GLYATL2: variants seen among roughly 807,000 people sequenced by gnomAD.
GLYATL2 encodes the protein glycine N-acyltransferase-like protein 2.
Under a neutral mutation model 21.4 loss-of-function variants are expected in GLYATL2, and 25 were observed. The ratio of observed to expected loss-of-function variants is 1.17; its 90% CI spans 0.85 to 1.63. The LOEUF (loss-of-function observed/expected upper bound fraction) is 1.63, where lower values mean the gene tolerates loss of function less well. GLYATL2 is among the 40% of genes most tolerant of loss of function. GLYATL2 has a pLI of 0.00. For synonymous variants in GLYATL2, 114 were observed against 118.2 expected (o/e 0.96, Z 0.23); for missense variants, 361 against 343.3 (o/e 1.05, Z -0.41).
chr11:58,863,863 T>A (rs1298386664), intron 1 of GLYATL2, among the ~76,000 whole-genome samples: 1 of 152,160 alleles, frequency 6.6e-6, no homozygotes, highest in Non-Finnish European at 1.5e-5. Flanking sequence ...TGGAGTCAAC[T>A]GTGATGAGCC....
chr11:58,834,234 G>A lies in GLYATL2; in HGVS notation c.*195C>T. 1 of 427,982 alleles carries A rather than the reference G, an allele frequency of 2.3e-6. No homozygotes were observed. The highest frequency in any genetic ancestry group is 4.1e-6 in the Non-Finnish European group (1 of 246,010). The allele number at this position is 427,982 out of a possible 1,614,324, so 26.5% of individuals were successfully genotyped here. ...ATGTCTGTCATAAAGGAAATTATGA[G>A]ACCATAAAATTGAGCTTCTAATTTT... On this transcript the variant is annotated 3_prime_UTR_variant, in exon 6 of 6. Transcript: ENST00000287275.
chr11:58,873,365 G>A (rs2134604885), intron 1 of GLYATL2, among the ~76,000 whole-genome samples: 1 of 152,184 alleles, frequency 6.6e-6, no homozygotes, highest in South Asian at 2.1e-4. Flanking sequence ...TCTTGTGCCA[G>A]TTTTCAAAGG....
intron 5 of GLYATL2, 98 bp downstream of exon 5, chr11:58,836,917 T>C: frequency 1.9e-6 from 2 of 1,036,220 alleles, no homozygotes; most frequent in East Asian, 2.4e-5. Context: ...GTGTAGCCCA[T>C]CATAATTTAG....
intron 1 of GLYATL2, chr11:58,893,267 G>A (rs981000570): frequency 4.7e-5 from 12 of 255,734 alleles, no homozygotes; most frequent in African/African-American, 1.1e-4. Flanking sequence ...AAAAAATACC[G>A]AAGGAGAGGC....
At chr11:58,856,026 G>T (rs535077741) in intron 1 of GLYATL2, among the ~76,000 whole-genome samples, 1 of 152,150 alleles carries the variant, frequency 6.6e-6, no homozygotes, top group Admixed American at 6.5e-5. Flanking sequence ...AGTGACTCAG[G>T]AGGCTGAGGG....
chr11:58,860,659 G>A (rs923602342), intron 1 of GLYATL2, among the ~76,000 whole-genome samples: 2 of 152,224 alleles, frequency 1.3e-5, no homozygotes, highest in African/African-American at 2.4e-5. Context: ...TCGTGAGGGT[G>A]AGCATCCTTG....
intron 1 of GLYATL2, among the ~76,000 whole-genome samples, chr11:58,851,959 A>G (rs1344229720): frequency 6.6e-6 from 1 of 152,232 alleles, no homozygotes; most frequent in East Asian, 1.9e-4. Context: ...AGTTTGCAGA[A>G]TTTGGTCATT....
Position 58,838,385 on chromosome 11 carries a change from C to T in GLYATL2, c.79-17G>A, listed in dbSNP as rs376758330. On this transcript the variant is annotated splice_polypyrimidine_tract_variant and intron_variant, in intron 2 of 5. Coordinates refer to ENST00000287275, the MANE Select transcript of GLYATL2 (RefSeq NM_145016.4). ...GCCATATACCTACGATGCAACAGAACAAAGCAGGAGAGGATGAAGTTCTTC... is the reference window on the plus strand; with the variant it reads ...GCCATATACCTACGATGCAACAGAATAAAGCAGGAGAGGATGAAGTTCTTC... 1,060 of 1,494,880 alleles carry T rather than the reference C, an allele frequency of 7.1e-4. 4 individuals are homozygous for T. The highest frequency in any genetic ancestry group is 7.0e-3 in the South Asian group (619 of 88,098). The allele number at this position is 1,494,880 out of a possible 1,614,324, so 92.6% of individuals were successfully genotyped here. A position where few individuals can be genotyped will look rare whatever the true frequency, so the allele number is the denominator to read the frequency against.
intron 1 of GLYATL2, among the ~76,000 whole-genome samples, chr11:58,869,865 G>A (rs1040833843): frequency 6.6e-6 from 1 of 152,126 alleles, no homozygotes; most frequent in Non-Finnish European, 1.5e-5. Flanking sequence ...CCAGAGTTTA[G>A]CACAGAAGGT....
At chr11:58,845,373 G>C (rs1853624539), upstream of GLYATL2, among the ~76,000 whole-genome samples, 1 of 152,178 alleles carries the variant, frequency 6.6e-6, no homozygotes, top group African/African-American at 2.4e-5. Flanking sequence ...AGCTCAGGCA[G>C]GAGGGTCGCT....
upstream of GLYATL2, chr11:58,905,368 T>TCTG (rs1854838271): frequency 2.3e-6 from 1 of 430,636 alleles, no homozygotes; most frequent in African/African-American, 2.0e-5. Flanking sequence ...TGGAGCTCTC[T>TCTG]CTGCTGCTGC....
chr11:58,894,850 C>T (rs557687842), intron 1 of GLYATL2, among the ~76,000 whole-genome samples: 1 of 152,240 alleles, frequency 6.6e-6, no homozygotes, highest in South Asian at 2.1e-4. Flanking sequence ...AGAGAAGAAA[C>T]ATGTCATTTG....
chr11:58,839,431 C>T (rs1228223303), intron 2 of GLYATL2, 104 bp downstream of exon 2: 9 of 631,616 alleles, frequency 1.4e-5, no homozygotes, highest in Non-Finnish European at 2.5e-5. Context: ...CAGATTCTCA[C>T]TTTAGACTTG....
chr11:58,855,245 G>T (rs186945144), intron 1 of GLYATL2, among the ~76,000 whole-genome samples: 2 of 152,264 alleles, frequency 1.3e-5, no homozygotes, highest in East Asian at 3.9e-4. Context: ...AATAAGACTT[G>T]TAAAGTTGAA....
chr11:58,893,237 T>C (rs1210140351), intron 1 of GLYATL2: 2 of 280,088 alleles, frequency 7.1e-6, no homozygotes, highest in Non-Finnish European at 1.4e-5. Context: ...TCTTGTGAAG[T>C]AGGAATGGCC....
intron 1 of GLYATL2, among the ~76,000 whole-genome samples, chr11:58,870,779 G>T (rs1392237713): frequency 6.6e-6 from 1 of 152,204 alleles, no homozygotes; most frequent in African/African-American, 2.4e-5. Flanking sequence ...CAATAGACGT[G>T]TGTTGCAGCA....
upstream of GLYATL2, among the ~76,000 whole-genome samples, chr11:58,906,838 GACGGTTGTTTAAACA>G (rs1166859479): frequency 1.3e-5 from 2 of 152,172 alleles, no homozygotes; most frequent in African/African-American, 4.8e-5. Context: ...TGGCCACATA[GACGGTTGTTTAAACA>G]ACGCGGTGCT....
chr11:58,878,675 C>T (rs547108566), intron 1 of GLYATL2, among the ~76,000 whole-genome samples: 3 of 152,246 alleles, frequency 2.0e-5, no homozygotes, highest in East Asian at 3.9e-4. Context: ...TTTTCCTGTG[C>T]ACCTGGGTAG....
chr11:58,848,941 A>G (rs1428113915), upstream of GLYATL2, among the ~76,000 whole-genome samples: 1 of 152,212 alleles, frequency 6.6e-6, no homozygotes, highest in Non-Finnish European at 1.5e-5. Context: ...AAAGAAACAT[A>G]AAAGCAGCAA....
Sources: allele counts gnomAD v4.1 joint callset (sites outside exome capture counted in the v4.1 genomes callset), GRCh38; gene constraint gnomAD v4.1.1; transcripts MANE v1.5; gene names NCBI Gene and HGNC (gene_info 2026-07-23, HGNC 2026-07-21).